FHIT: variants seen among roughly 807,000 people sequenced by gnomAD.
FHIT encodes fragile histidine triad diadenosine triphosphatase, also known as bis(5'-adenosyl)-triphosphatase.
A neutral mutation model predicts 17.9 loss-of-function variants in FHIT; 19 were observed. The observed-to-expected ratio is 1.06, with a 90% CI of 0.74 to 1.56. FHIT has a LOEUF of 1.56. FHIT is among the 40% of genes most tolerant of loss of function. The pLI, the probability that FHIT is intolerant of heterozygous loss-of-function variation, is 0.00. For synonymous variants in FHIT, 81 were observed against 69.7 expected (o/e 1.16, Z -0.81); for missense variants, 248 against 189.2 (o/e 1.31, Z -1.82).
At chr3:60,166,146 GT>G (rs1701161209) in intron 5 of FHIT, among the ~76,000 whole-genome samples, 2 of 151,554 alleles carry the variant, frequency 1.3e-5, no homozygotes, top group African/African-American at 4.9e-5. Context: ...ACATTGGCTT[GT>G]TTCTACTGTA....
At chr3:60,939,218 G>A (rs1708314120) in intron 3 of FHIT, among the ~76,000 whole-genome samples, 2 of 152,196 alleles carry the variant, frequency 1.3e-5, no homozygotes, top group Middle Eastern at 3.4e-3. Context: ...TACCATAATT[G>A]ATTCTCTTGC....
At chr3:60,575,172 G>C (rs1290459049) in intron 4 of FHIT, among the ~76,000 whole-genome samples, 1 of 152,268 alleles carries the variant, frequency 6.6e-6, no homozygotes, top group South Asian at 2.1e-4. Flanking sequence ...GAAAAAGAAA[G>C]CGACTGTTGG....
intron 5 of FHIT, among the ~76,000 whole-genome samples, chr3:60,247,840 T>G (rs1336859156): frequency 6.6e-6 from 1 of 152,170 alleles, no homozygotes; most frequent in Non-Finnish European, 1.5e-5. Context: ...AGAATGCAGT[T>G]AGGAGCTCAG....
Position 59,786,414 on chromosome 3 carries a change from GT to G in FHIT, c.349-34094del, listed in dbSNP as rs1309198094. ...ACAAATTTGTAGCACTTGAAGGTAT[GT>G]TTCCCTAGCCATTTCTGGATCATAA... On this transcript the variant is annotated intron_variant, in intron 8 of 9. Coordinates refer to ENST00000492590, the MANE Select transcript of FHIT (RefSeq NM_002012.4). Among the ~76,000 whole-genome samples the G allele has an allele frequency of 7.2e-5, 11 of 152,296 alleles. No individual in the cohort carries two copies. The East Asian group carries it at 9.7e-4, about 13-fold the overall frequency.
intron 5 of FHIT, among the ~76,000 whole-genome samples, chr3:60,337,121 T>C (rs1282877027): frequency 6.6e-6 from 1 of 152,202 alleles, no homozygotes; most frequent in East Asian, 1.9e-4. Flanking sequence ...CATTTATTCT[T>C]GGGCTAAGTT....
At chr3:60,990,890 A>G (rs1297814690) in intron 3 of FHIT, among the ~76,000 whole-genome samples, 1 of 152,074 alleles carries the variant, frequency 6.6e-6, no homozygotes, top group Non-Finnish European at 1.5e-5. Context: ...GAAAACATAC[A>G]TTTTTCCATT....
At chr3:61,181,985 A>G (rs1376585418) in intron 2 of FHIT, among the ~76,000 whole-genome samples, 1 of 152,232 alleles carries the variant, frequency 6.6e-6, no homozygotes, top group Non-Finnish European at 1.5e-5. Flanking sequence ...GAATTAGTCC[A>G]TGCCAACATA....
At chr3:60,257,156 C>T (rs1706040307) in intron 5 of FHIT, among the ~76,000 whole-genome samples, 1 of 152,152 alleles carries the variant, frequency 6.6e-6, no homozygotes, top group African/African-American at 2.4e-5. Context: ...ATATCATCTG[C>T]AGCTTCCCTT....
intron 3 of FHIT, among the ~76,000 whole-genome samples, chr3:60,876,070 T>G (rs1375593725): frequency 6.6e-6 from 1 of 152,054 alleles, no homozygotes; most frequent in Non-Finnish European, 1.5e-5. Flanking sequence ...TTTGACTTCA[T>G]AACTTTACAG....
chr3:60,589,107 C>CACCT (rs1335162725), intron 4 of FHIT, among the ~76,000 whole-genome samples: 1 of 151,972 alleles, frequency 6.6e-6, no homozygotes, highest in Non-Finnish European at 1.5e-5. Flanking sequence ...GTAACAAGAC[C>CACCT]ACCTTCCTTG....
At chr3:60,882,208 C>T (rs1234336162) in intron 3 of FHIT, among the ~76,000 whole-genome samples, 3 of 152,034 alleles carry the variant, frequency 2.0e-5, no homozygotes, top group African/African-American at 7.2e-5. Flanking sequence ...ACACCAATTA[C>T]AAGCAACAAG....
intron 7 of FHIT, among the ~76,000 whole-genome samples, chr3:59,978,122 T>G (rs1708494500): frequency 6.6e-6 from 1 of 152,088 alleles, no homozygotes; most frequent in South Asian, 2.1e-4. Context: ...AATTTCAGTT[T>G]AAAGAAATTA....
chr3:60,319,709 G>C (rs970634263), intron 5 of FHIT, among the ~76,000 whole-genome samples: 1 of 152,158 alleles, frequency 6.6e-6, no homozygotes, highest in Non-Finnish European at 1.5e-5. Context: ...CACAAATAAA[G>C]TGATCACCGT....
chr3:60,853,416 A>T (rs568918582), intron 3 of FHIT, among the ~76,000 whole-genome samples: 200 of 152,214 alleles, frequency 1.3e-3, no homozygotes, highest in African/African-American at 4.3e-3. Flanking sequence ...TAGCCCCTGG[A>T]ATCATGACTA....
intron 4 of FHIT, among the ~76,000 whole-genome samples, chr3:60,668,036 C>A (rs138908824): frequency 1.3e-5 from 2 of 152,004 alleles, no homozygotes; most frequent in Non-Finnish European, 2.9e-5. Flanking sequence ...CATGTGAGAA[C>A]AAAGAGGCTT....
Position 60,627,443 on chromosome 3 carries a change from T to G in FHIT, c.-17-90464A>C, listed in dbSNP as rs373366728. On this transcript the variant is annotated intron_variant, in intron 4 of 9. Coordinates refer to ENST00000492590, the MANE Select transcript of FHIT (RefSeq NM_002012.4). Reference sequence around the variant, plus strand: ...TTCATCCAAGTTATCCAATTCATAGTCATACATTTATTCATTGTTTTCCCT... The same window carrying G: ...TTCATCCAAGTTATCCAATTCATAGGCATACATTTATTCATTGTTTTCCCT... Among the ~76,000 whole-genome samples, 141 of 152,338 alleles carry G rather than the reference T, an allele frequency of 9.3e-4. 2 individuals are homozygous for G. In the South Asian group the frequency reaches 0.011, roughly 12 times the overall value.
intron 5 of FHIT, among the ~76,000 whole-genome samples, chr3:60,180,008 T>A (rs1482465362): frequency 1.3e-5 from 2 of 152,134 alleles, no homozygotes; most frequent in Admixed American, 1.3e-4. Flanking sequence ...GGACTATATG[T>A]AATATATTTA....
intron 8 of FHIT, among the ~76,000 whole-genome samples, chr3:59,765,840 G>A (rs1701768776): frequency 6.6e-6 from 1 of 152,032 alleles, no homozygotes; most frequent in Admixed American, 6.5e-5. Context: ...ATCCCACCAG[G>A]GAGTAGATGA....
chr3:60,756,146 T>TAA (rs1467601872), intron 4 of FHIT, among the ~76,000 whole-genome samples: 2 of 152,170 alleles, frequency 1.3e-5, no homozygotes, highest in African/African-American at 2.4e-5. Flanking sequence ...TAAAAAGAAG[T>TAA]AAACAAAAGA....
Sources: allele counts gnomAD v4.1 joint callset (sites outside exome capture counted in the v4.1 genomes callset), GRCh38; gene constraint gnomAD v4.1.1; transcripts MANE v1.5; gene names NCBI Gene and HGNC (gene_info 2026-07-23, HGNC 2026-07-21).